The following LRRC37A2 variants were observed in gnomAD, a reference collection of about 807,000 sequenced individuals.
LRRC37A2 encodes the protein leucine rich repeat containing 37 member A2.
In LRRC37A2, 9 loss-of-function variants were observed where a neutral mutation model predicts 68.8. The observed-to-expected ratio is 0.13, with a 90% CI of 0.08 to 0.23. The LOEUF (loss-of-function observed/expected upper bound fraction) is 0.23, where lower values mean the gene tolerates loss of function less well. Among genes scored for constraint, LRRC37A2 ranks in the 10% least tolerant of loss-of-function variants. The pLI, the probability that LRRC37A2 is intolerant of heterozygous loss-of-function variation, is 1.00. For synonymous variants in LRRC37A2, 63 were observed against 367.6 expected, an observed-to-expected ratio of 0.17 and a Z score of 9.48; for missense variants, 168 against 950.4, an observed-to-expected ratio of 0.18 and a Z score of 10.82.
At chr17:46,520,785 G>C (rs1341693617) in intron 4 of LRRC37A2, among the ~76,000 whole-genome samples, 35 of 44,992 alleles carry the variant, frequency 7.8e-4, no homozygotes, top group Admixed American at 7.3e-3. Flanking sequence ...AGTTGGTTTA[G>C]TAGGATGAAA....
the LRRC37A2 span, among the ~76,000 whole-genome samples, chr17:46,976,303 C>A: frequency 1.3e-5 from 2 of 151,144 alleles, no homozygotes; most frequent in African/African-American, 2.4e-5. Context: ...GAGGCCGAGG[C>A]GGGTGGATCA....
the LRRC37A2 span, chr17:46,833,073 C>T: frequency 2.8e-6 from 1 of 353,418 alleles, no homozygotes; most frequent in Non-Finnish European, 5.6e-6. Flanking sequence ...CTGAAGAGTC[C>T]ACCACACAGC....
At chr17:46,779,098 CA>C in the LRRC37A2 span, among the ~76,000 whole-genome samples, 71 of 147,022 alleles carry the variant, frequency 4.8e-4, 3 homozygotes, top group East Asian at 6.6e-3. Context: ...CACACACACA[CA>C]CACACCCCAG....
chr17:46,858,074 C>T, the LRRC37A2 span, among the ~76,000 whole-genome samples: 12 of 152,312 alleles, frequency 7.9e-5, no homozygotes, highest in Admixed American at 5.9e-4. Context: ...GGACTACAGG[C>T]ATGCGCCACC....
chr17:46,870,904 C>CTTTT, the LRRC37A2 span, among the ~76,000 whole-genome samples: 43 of 78,368 alleles, frequency 5.5e-4, no homozygotes, highest in East Asian at 2.7e-3. Context: ...TCCACCTTTG[C>CTTTT]TTTTTTTTTT....
chr17:46,834,352 CTTCTGGG>C, the LRRC37A2 span, among the ~76,000 whole-genome samples: 4 of 152,092 alleles, frequency 2.6e-5, no homozygotes, highest in African/African-American at 9.7e-5. Context: ...GGAGGGAGGC[CTTCTGGG>C]TTCTGCCTCT....
At chr17:46,911,712 G>A in the LRRC37A2 span, among the ~76,000 whole-genome samples, 69 of 152,046 alleles carry the variant, frequency 4.5e-4, no homozygotes, top group African/African-American at 4.6e-4. Flanking sequence ...GTAAAACCCC[G>A]TCTCAACTTA....
At chr17:46,862,870 C>T in the LRRC37A2 span, among the ~76,000 whole-genome samples, 1 of 152,222 alleles carries the variant, frequency 6.6e-6, no homozygotes, top group African/African-American at 2.4e-5. Flanking sequence ...AAGCGTGAGC[C>T]ACTGTGTACC....
the LRRC37A2 span, among the ~76,000 whole-genome samples, chr17:46,787,201 C>T: frequency 2.0e-5 from 3 of 150,734 alleles, no homozygotes; most frequent in African/African-American, 7.3e-5. Flanking sequence ...TCAGCCTCCC[C>T]AAGTGCTGGG....
At chr17:46,804,494 A>G in the LRRC37A2 span, among the ~76,000 whole-genome samples, 1 of 152,072 alleles carries the variant, frequency 6.6e-6, no homozygotes, top group Middle Eastern at 3.2e-3. Context: ...AAGTGCTGTA[A>G]GACACCAGAC....
At chr17:46,923,229 C>T in the LRRC37A2 span, 333 of 1,550,752 alleles carry the variant, frequency 2.1e-4, 1 homozygote, top group Non-Finnish European at 2.5e-4. Context: ...CAAGTGAGGG[C>T]CGGTCGGGGA....
the LRRC37A2 span, among the ~76,000 whole-genome samples, chr17:46,779,907 C>G: frequency 6.6e-6 from 1 of 152,100 alleles, no homozygotes; most frequent in African/African-American, 2.4e-5. Context: ...AAGAGGCATG[C>G]GTCACCATGC....
At chr17:46,753,111 G>A in the LRRC37A2 span, among the ~76,000 whole-genome samples, 1 of 152,192 alleles carries the variant, frequency 6.6e-6, no homozygotes, top group African/African-American at 2.4e-5. Flanking sequence ...TCATTTTACA[G>A]TTAGGTAAAT....
chr17:46,988,630 G>A, the LRRC37A2 span, among the ~76,000 whole-genome samples: 5 of 152,298 alleles, frequency 3.3e-5, no homozygotes, highest in Admixed American at 2.0e-4. Context: ...ACAAGTGGGC[G>A]GAGTGGTCAG....
chr17:46,956,048 C>T, the LRRC37A2 span, among the ~76,000 whole-genome samples: 1 of 152,062 alleles, frequency 6.6e-6, no homozygotes, highest in Non-Finnish European at 1.5e-5. Flanking sequence ...CAGGAAGATA[C>T]GGAGTCTGAA....
the LRRC37A2 span, among the ~76,000 whole-genome samples, chr17:46,403,729 C>T: frequency 1.1e-5 from 1 of 94,160 alleles, no homozygotes. Context: ...GATAGGGTCT[C>T]GCTCTGTTGC....
the LRRC37A2 span, among the ~76,000 whole-genome samples, chr17:46,888,159 C>T: frequency 5.6e-3 from 847 of 152,218 alleles, 4 homozygotes; most frequent in Non-Finnish European, 8.2e-3. Flanking sequence ...GAAGGGATAC[C>T]GACCTGGCCT....
the LRRC37A2 span, chr17:46,922,998 C>T: frequency 1.6e-6 from 1 of 628,140 alleles, no homozygotes; most frequent in Admixed American, 2.5e-5. Flanking sequence ...CTACACTTAT[C>T]CTTCCGTCGC....
the LRRC37A2 span, among the ~76,000 whole-genome samples, chr17:46,946,549 C>G: frequency 6.6e-6 from 1 of 151,402 alleles, no homozygotes; most frequent in Non-Finnish European, 1.5e-5. Context: ...TATTGCAGCC[C>G]TTAAACAGAA....
Sources: allele counts gnomAD v4.1 joint callset (sites outside exome capture counted in the v4.1 genomes callset), GRCh38; gene constraint gnomAD v4.1.1; transcripts MANE v1.5; gene names NCBI Gene and HGNC (gene_info 2026-07-23, HGNC 2026-07-21).